The following PAK1 variants were observed in gnomAD, a reference collection of about 807,000 sequenced individuals.
The protein encoded by PAK1 is p21 (RAC1) activated kinase 1.
In PAK1, 29 loss-of-function variants were observed where a neutral mutation model predicts 67.4. The ratio of observed to expected loss-of-function variants is 0.43; its 90% CI spans 0.32 to 0.59. The LOEUF is 0.59. Ranked by LOEUF, PAK1 falls within the 20% of genes least tolerant of loss-of-function variation. The pLI, the probability that PAK1 is intolerant of heterozygous loss-of-function variation, is 0.07. For synonymous variants in PAK1, 223 were observed against 237.4 expected (o/e 0.94, Z 0.56); for missense variants, 337 against 670.7 (o/e 0.50, Z 5.50).
chr11:77,525,502 C>T, the PAK1 span, among the ~76,000 whole-genome samples: 1 of 152,144 alleles, frequency 6.6e-6, no homozygotes, highest in Non-Finnish European at 1.5e-5. Flanking sequence ...CAGGGAGCAA[C>T]TCATGATTTC....
chr11:77,446,342 A>C (rs1205152153), intron 1 of PAK1, among the ~76,000 whole-genome samples: 3 of 151,798 alleles, frequency 2.0e-5, no homozygotes, highest in African/African-American at 7.3e-5. Context: ...CGAAACCCTG[A>C]ATCTACTAAA....
At chr11:77,463,677 T>C (rs1050504678) in intron 1 of PAK1, among the ~76,000 whole-genome samples, 5 of 152,230 alleles carry the variant, frequency 3.3e-5, no homozygotes, top group African/African-American at 4.8e-5. Flanking sequence ...AAGAGAGACT[T>C]TGGCAATTAC....
intron 1 of PAK1, among the ~76,000 whole-genome samples, chr11:77,446,541 T>C (rs1363606683): frequency 6.7e-6 from 1 of 149,234 alleles, no homozygotes; most frequent in Non-Finnish European, 1.5e-5. Flanking sequence ...AAAAGAAAGT[T>C]CAGACCCAAG....
At chr11:77,337,543 G>A in intron 11 of PAK1, 120 bp from the exon 12 acceptor site, 1 of 499,290 alleles carries the variant, frequency 2.0e-6, no homozygotes, top group South Asian at 3.5e-5. Flanking sequence ...AGGCCCCAGT[G>A]AGTAAAAGGA....
chr11:77,418,090 T>C (rs1029296615), intron 1 of PAK1, among the ~76,000 whole-genome samples: 1 of 151,978 alleles, frequency 6.6e-6, no homozygotes, highest in Non-Finnish European at 1.5e-5. Flanking sequence ...CTCTAAAAAA[T>C]AAAATCTATT....
chr11:77,519,206 T>A, the PAK1 span, among the ~76,000 whole-genome samples: 1 of 152,226 alleles, frequency 6.6e-6, no homozygotes, highest in South Asian at 2.1e-4. Context: ...TACATTGCAT[T>A]TGAAGGTTAT....
At chr11:77,517,917 A>G in the PAK1 span, among the ~76,000 whole-genome samples, 1 of 152,104 alleles carries the variant, frequency 6.6e-6, no homozygotes, top group Non-Finnish European at 1.5e-5. Flanking sequence ...ATGCCATCTG[A>G]GAGGAGGCAG....
chr11:77,403,826 G>A (rs1042066216), intron 1 of PAK1, among the ~76,000 whole-genome samples: 3 of 152,220 alleles, frequency 2.0e-5, no homozygotes, highest in Non-Finnish European at 4.4e-5. Context: ...CAAAGTTCAA[G>A]TATTGGAAAC....
At chr11:77,426,325 A>G (rs531734358) in intron 1 of PAK1, among the ~76,000 whole-genome samples, 74 of 152,142 alleles carry the variant, frequency 4.9e-4, no homozygotes, top group Non-Finnish European at 9.7e-4. Context: ...TATGGCATAT[A>G]CTAAGCCAGG....
intron 2 of PAK1, among the ~76,000 whole-genome samples, chr11:77,391,475 T>C (rs1243778430): frequency 6.6e-6 from 1 of 152,008 alleles, no homozygotes; most frequent in African/African-American, 2.4e-5. Context: ...CCCAGCTCCA[T>C]CTAAACCAGA....
intron 1 of PAK1, among the ~76,000 whole-genome samples, chr11:77,447,401 A>G (rs1401849616): frequency 2.0e-5 from 3 of 152,136 alleles, no homozygotes; most frequent in Non-Finnish European, 4.4e-5. Context: ...AAGCACTAAC[A>G]CTGTTTCAAG....
chr11:77,518,553 C>G, the PAK1 span, among the ~76,000 whole-genome samples: 1 of 152,072 alleles, frequency 6.6e-6, no homozygotes, highest in African/African-American at 2.4e-5. Context: ...GCAAACCACT[C>G]GGCACTCTGC....
intron 11 of PAK1, among the ~76,000 whole-genome samples, chr11:77,338,018 G>C (rs539492346): frequency 6.6e-6 from 1 of 152,190 alleles, no homozygotes; most frequent in African/African-American, 2.4e-5. Context: ...AAAAATGGTT[G>C]AACCCGGCAA....
intron 9 of PAK1, 67 bp downstream of exon 9, chr11:77,349,172 G>A: frequency 8.2e-7 from 1 of 1,213,554 alleles, no homozygotes; most frequent in Non-Finnish European, 1.2e-6. Context: ...CCTAACAAGG[G>A]CTAAAAATTA....
At chr11:77,461,370 G>A (rs1167471478) in intron 1 of PAK1, among the ~76,000 whole-genome samples, 2 of 152,198 alleles carry the variant, frequency 1.3e-5, no homozygotes, top group South Asian at 2.1e-4. Context: ...ACAATCAGCT[G>A]ACGTTAAGTA....
At chr11:77,402,413 A>G (rs1356395371) in intron 1 of PAK1, among the ~76,000 whole-genome samples, 1 of 152,190 alleles carries the variant, frequency 6.6e-6, no homozygotes, top group African/African-American at 2.4e-5. Context: ...TTACTTCCAG[A>G]AACCAATATT....
intron 1 of PAK1, among the ~76,000 whole-genome samples, chr11:77,403,648 T>C (rs1953023803): frequency 6.6e-6 from 1 of 152,136 alleles, no homozygotes; most frequent in Non-Finnish European, 1.5e-5. Flanking sequence ...TCCCTCCTTT[T>C]CCAAAATTTA....
At chr11:77,472,656 C>T (rs566762712) in intron 1 of PAK1, among the ~76,000 whole-genome samples, 2 of 152,192 alleles carry the variant, frequency 1.3e-5, no homozygotes, top group Non-Finnish European at 2.9e-5. Flanking sequence ...TTTCTCCTGA[C>T]AGAGTTGAAA....
In PAK1 at chr11:77,379,897, A is replaced by G. The variant is rs1592096417; in HGVS notation, c.288T>C (p.Phe96=). 1 of 1,610,834 alleles carries G rather than the reference A, an allele frequency of 6.2e-7. No homozygotes were observed. Among genetic ancestry groups the G allele is most frequent in the South Asian group, 1.1e-5 (1 of 90,896 alleles). Residue 96 remains phenylalanine, a synonymous_variant, in exon 3 of 15, where the codon TTT becomes TTC. Coordinates refer to ENST00000356341, the MANE Select transcript of PAK1 (RefSeq NM_002576.5). ...HVGFDAVTGE[F]TGMPEQWARL... is the part of the protein sequence containing the mutation. The stretch of plus-strand genomic sequence containing the variant: ...CTTTCTGTGACCCAGGACTTACCGT[A>G]AACTCCCCTGTGACAGCATCAAAAC...
Sources: gnomAD v4.1 joint callset for allele counts (sites outside exome capture counted in the v4.1 genomes callset) on GRCh38, gnomAD v4.1.1 for gene constraint, MANE v1.5 for transcripts, NCBI Gene and HGNC (gene_info 2026-07-23, HGNC 2026-07-21) for gene names.